Variants in PDS5A observed in about 807,000 individuals in gnomAD.
PDS5A encodes the protein PDS5 cohesin associated factor A, also known as sister chromatid cohesion protein PDS5 homolog A.
A neutral mutation model predicts 167.1 loss-of-function variants in PDS5A; 42 were observed. The observed-to-expected ratio is 0.25, with a 90% CI of 0.20 to 0.33. The LOEUF is 0.33. PDS5A is among the 10% of genes least tolerant of loss of function. The pLI is 1.00. For synonymous variants in PDS5A, 553 were observed against 554.6 expected (o/e 1.00, Z 0.04); for missense variants, 1,033 against 1,605.9 (o/e 0.64, Z 6.10).
chr4:39,952,706 C>G (rs1045988549), intron 2 of PDS5A, among the ~76,000 whole-genome samples: 1 of 151,074 alleles, frequency 6.6e-6, no homozygotes, highest in African/African-American at 2.4e-5. Flanking sequence ...TCACTTGTCC[C>G]ACAGTACACA....
chr4:39,898,364 A>G (rs753470016), intron 16 of PDS5A, 25 bp downstream of exon 16: 2 of 1,517,798 alleles, frequency 1.3e-6, no homozygotes, highest in Non-Finnish European at 1.8e-6. Context: ...AGCTAGAGAA[A>G]AAGTGTGAAG....
At chr4:39,907,593 T>TC (rs2109672873) in intron 11 of PDS5A, among the ~76,000 whole-genome samples, 1 of 150,618 alleles carries the variant, frequency 6.6e-6, no homozygotes, top group East Asian at 1.9e-4. Context: ...TTCTTTTCTT[T>TC]TTTTTTTTTT....
rs1321718671 is a variant in PDS5A, at chr4:39,977,166, TCCCTCACCCCCGCGGGAGGG to T, written c.-41+271_-41+290del. Among the ~76,000 whole-genome samples, 4 of 150,160 alleles carry T rather than the reference TCCCTCACCCCCGCGGGAGGG, an allele frequency of 2.7e-5. No individual in the cohort carries two copies. The highest frequency in any genetic ancestry group is 4.4e-5 in the Non-Finnish European group (3 of 67,554). ...CGCTGCCACCCCTCCCCTGTTCCGC[TCCCTCACCCCCGCGGGAGGG>T]GAAAACAAGCCGCCCTCCACCCTCA... On this transcript the variant is annotated intron_variant, in intron 1 of 32. Transcript: ENST00000303538. This position sits in a 1 kb window ranked among gnomAD's most constrained non-coding sequence, Gnocchi z 4.2.
chr4:39,840,678 G>A (rs752643886), intron 31 of PDS5A, among the ~76,000 whole-genome samples: 6 of 151,902 alleles, frequency 3.9e-5, no homozygotes, highest in South Asian at 2.1e-4. Context: ...TTACAGGTGT[G>A]AGCCACTGCG....
intron 27 of PDS5A, 69 bp downstream of exon 27, chr4:39,849,451 A>G: frequency 8.7e-7 from 1 of 1,149,902 alleles, no homozygotes; most frequent in Non-Finnish European, 1.2e-6. Flanking sequence ...AAAAAAAAAA[A>G]AAAAACCAAG....
intron 17 of PDS5A, among the ~76,000 whole-genome samples, chr4:39,885,021 G>C (rs1721293438): frequency 6.6e-6 from 1 of 151,950 alleles, no homozygotes; most frequent in African/African-American, 2.4e-5. Context: ...CCAGAAATTT[G>C]GGAGGCCGAG....
At chr4:39,840,280 G>T (rs1343114057) in intron 31 of PDS5A, among the ~76,000 whole-genome samples, 1 of 152,120 alleles carries the variant, frequency 6.6e-6, no homozygotes, top group African/African-American at 2.4e-5. Context: ...TAAGAAATTG[G>T]GTTGGGCATG....
chr4:39,976,970 G>A (rs112589755), intron 1 of PDS5A, among the ~76,000 whole-genome samples: 4,612 of 152,242 alleles, frequency 0.03, 243 homozygotes, highest in African/African-American at 0.1. Context: ...CGGCGGTGGG[G>A]AAGCACCCAG....
At chr4:39,906,860 G>A (rs1483108423) in intron 11 of PDS5A, among the ~76,000 whole-genome samples, 1 of 135,384 alleles carries the variant, frequency 7.4e-6, no homozygotes, top group African/African-American at 2.8e-5. Flanking sequence ...TTATTAGATG[G>A]AATAAAACTT....
rs1284556984 is a variant in PDS5A at position 39,977,186 on chromosome 4, G to A, written c.-41+271C>T. On this transcript the variant is annotated intron_variant, in intron 1 of 32. Coordinates refer to ENST00000303538, the MANE Select transcript of PDS5A (RefSeq NM_001100399.2). The surrounding 1 kb of genome is among the most constrained non-coding windows in gnomAD (Gnocchi z 4.2). ...TCCGCTCCCTCACCCCCGCGGGAGG[G>A]GAAAACAAGCCGCCCTCCACCCTCA... 1.3e-5 allele frequency among the ~76,000 whole-genome samples: 2 copies of A among 152,064 alleles called. No individual in the cohort carries two copies. Among genetic ancestry groups the A allele is most frequent in the East Asian group, 3.9e-4 (2 of 5,168 alleles).
intron 16 of PDS5A, among the ~76,000 whole-genome samples, chr4:39,891,152 G>A (rs970163706): frequency 2.0e-5 from 3 of 151,498 alleles, no homozygotes; most frequent in African/African-American, 7.3e-5. Context: ...TCCTGCCTCA[G>A]CCTCCATAGC....
chr4:39,858,692 C>T (rs768007641), intron 26 of PDS5A, among the ~76,000 whole-genome samples: 8 of 152,202 alleles, frequency 5.3e-5, no homozygotes, highest in Non-Finnish European at 8.8e-5. Context: ...GGTGTGACCT[C>T]GGCTCATTGC....
chr4:39,954,431 G>C (rs1321500283), intron 2 of PDS5A, among the ~76,000 whole-genome samples: 1 of 151,896 alleles, frequency 6.6e-6, no homozygotes, highest in Admixed American at 6.6e-5. Flanking sequence ...CGAGTCTCCT[G>C]CCTCGGCCTC....
chr4:39,827,651 A>G (rs985586533), intron 32 of PDS5A, among the ~76,000 whole-genome samples: 1 of 152,236 alleles, frequency 6.6e-6, no homozygotes, highest in African/African-American at 2.4e-5. Flanking sequence ...TATACAAATG[A>G]GCACAAAAAC....
chr4:39,949,507 G>A (rs1728119878), intron 2 of PDS5A, among the ~76,000 whole-genome samples: 1 of 151,694 alleles, frequency 6.6e-6, no homozygotes. Context: ...ATGGACACAG[G>A]GACTTCATTT....
intron 26 of PDS5A, among the ~76,000 whole-genome samples, chr4:39,859,085 A>G (rs1718770699): frequency 6.6e-6 from 1 of 152,178 alleles, no homozygotes; most frequent in Non-Finnish European, 1.5e-5. Flanking sequence ...CTTACAACTC[A>G]ATAACAAAAA....
chr4:39,867,981 A>C (rs1329261628), intron 22 of PDS5A, among the ~76,000 whole-genome samples: 1 of 152,208 alleles, frequency 6.6e-6, no homozygotes, highest in Non-Finnish European at 1.5e-5. Context: ...TATGTGAAAA[A>C]GCTAGCCAAA....
intron 2 of PDS5A, among the ~76,000 whole-genome samples, chr4:39,957,519 C>G (rs892196265): frequency 8.5e-5 from 13 of 152,108 alleles, no homozygotes; most frequent in Admixed American, 3.9e-4. Context: ...GGGCCAGGCA[C>G]AGTGGCCTGT....
chr4:39,923,166 A>G (rs1725148408), intron 5 of PDS5A, among the ~76,000 whole-genome samples: 2 of 151,820 alleles, frequency 1.3e-5, no homozygotes, highest in Non-Finnish European at 2.9e-5. Flanking sequence ...CCGTCTTTAC[A>G]AAAATACAAA....
Sources: allele counts gnomAD v4.1 joint callset (sites outside exome capture counted in the v4.1 genomes callset), GRCh38; gene constraint gnomAD v4.1.1; non-coding constraint Gnocchi (gnomAD v3.1); transcripts MANE v1.5; gene names NCBI Gene and HGNC (gene_info 2026-07-23, HGNC 2026-07-21).